The following ZFP2 variants were observed in gnomAD, a reference collection of about 807,000 sequenced individuals.
ZFP2 encodes the protein ZFP2 zinc finger protein, also known as zinc finger protein ZFP2.
In ZFP2, 33 loss-of-function variants were observed where a neutral mutation model predicts 36.1. The ratio of observed to expected loss-of-function variants is 0.92; its 90% confidence interval spans 0.69 to 1.22. The LOEUF is 1.22. Ranked by LOEUF, ZFP2 falls within the 50% of genes most tolerant of loss-of-function variation. The pLI is 0.00. For synonymous variants in ZFP2, 170 were observed against 178.0 expected (o/e 0.96, Z 0.36); for missense variants, 522 against 551.4 (o/e 0.95, Z 0.53).
intron 1 of ZFP2, among the ~76,000 whole-genome samples, chr5:178,899,702 C>CT (rs1337428480): frequency 6.6e-6 from 1 of 151,580 alleles, no homozygotes; most frequent in African/African-American, 2.4e-5. Context: ...AAGCATGGAG[C>CT]TGGGATAGTA....
intron 1 of ZFP2, among the ~76,000 whole-genome samples, chr5:178,906,902 A>G (rs1183679102): frequency 6.6e-6 from 1 of 151,030 alleles, no homozygotes; most frequent in East Asian, 1.9e-4. Flanking sequence ...TATTTAAAAG[A>G]TTCCCTTTTT....
At chr5:178,910,926 G>T (rs1019241143) in intron 1 of ZFP2, among the ~76,000 whole-genome samples, 2 of 152,128 alleles carry the variant, frequency 1.3e-5, no homozygotes, top group African/African-American at 4.8e-5. Flanking sequence ...GGGAAAAAAG[G>T]TTCCTTTTAA....
intron 1 of ZFP2, chr5:178,910,668 C>A (rs1274296423): frequency 2.8e-6 from 1 of 361,990 alleles, no homozygotes; most frequent in Non-Finnish European, 5.4e-6. Context: ...CTGCCGCTGG[C>A]CCATGCACCT....
At chr5:178,910,426 C>T in intron 1 of ZFP2, 1 of 793,746 alleles carries the variant, frequency 1.3e-6, no homozygotes, top group Non-Finnish European at 2.2e-6. Context: ...AGCTGGCAGC[C>T]TCGGCCTTCT....
chr5:178,903,189 A>G (rs1045483329), intron 1 of ZFP2, among the ~76,000 whole-genome samples: 1 of 152,226 alleles, frequency 6.6e-6, no homozygotes, highest in Non-Finnish European at 1.5e-5. Context: ...ACAGTAATAG[A>G]CTTGGGACAT....
At chr5:178,910,902 T>C (rs1269750766) in intron 1 of ZFP2, among the ~76,000 whole-genome samples, 1 of 152,186 alleles carries the variant, frequency 6.6e-6, no homozygotes, top group Non-Finnish European at 1.5e-5. Flanking sequence ...TTTTAGGGAC[T>C]GAACCTTTTT....
At position 178,922,674 on chromosome 5, in the gene ZFP2, C is replaced by T; in HGVS notation, c.-78+5964C>T. Reference sequence around the variant, plus strand: ...CGTGGCTGGCCTTGTTATTTCACCACTCTGGATATACTGGAATAGAAAGCA... The same window carrying T: ...CGTGGCTGGCCTTGTTATTTCACCATTCTGGATATACTGGAATAGAAAGCA... On this transcript the variant is annotated intron_variant, in intron 4 of 4. Coordinates refer to ENST00000361362, the MANE Select transcript of ZFP2 (RefSeq NM_030613.4). The T allele has an allele frequency of 4.4e-6, 7 of 1,586,468 alleles. 1 individual carries two copies. The South Asian group carries it at 6.6e-5, about 15-fold the overall frequency.
At chr5:178,913,771 T>C (rs1428667318) in intron 3 of ZFP2, 1 of 141,448 alleles carries the variant, frequency 7.1e-6, no homozygotes, top group African/African-American at 2.6e-5. Context: ...GTGTTATTAC[T>C]GACTTTTCTC....
rs1017232289 is a variant in ZFP2 at position 178,909,796 on chromosome 5, A to G, written c.-449-2788A>G. 5 of 1,589,064 alleles carry G rather than the reference A, an allele frequency of 3.1e-6. No homozygotes were observed. The Admixed American group carries it at 8.5e-5, about 27-fold the overall frequency. On this transcript the variant is annotated intron_variant, in intron 1 of 4. Transcript: ENST00000361362. ...TCTCTTTTCCTTCGCTTCATTTCCC[A>G]CTCCACAAAGGTGTCGAAGAGATTT...
chr5:178,910,136 G>T (rs1288932615), intron 1 of ZFP2: 130 of 1,453,994 alleles, frequency 8.9e-5, no homozygotes, highest in Non-Finnish European at 1.2e-4. Context: ...ACCGTGCACA[G>T]ATTCTGTCAC....
chr5:178,902,528 C>T (rs534995375), intron 1 of ZFP2, among the ~76,000 whole-genome samples: 2 of 152,276 alleles, frequency 1.3e-5, no homozygotes, highest in East Asian at 3.9e-4. Flanking sequence ...GACTTGGATA[C>T]TTTTGAAGAG....
intron 1 of ZFP2, chr5:178,910,638 C>G (rs1758277291): frequency 2.5e-6 from 1 of 395,898 alleles, no homozygotes; most frequent in Non-Finnish European, 4.9e-6. Context: ...GAATGGCCCC[C>G]TCTGGATCAG....
chr5:178,932,605 C>G lies in ZFP2; in HGVS notation c.1292C>G (p.Thr431Ser). 1 of 1,614,106 alleles carries G rather than the reference C, an allele frequency of 6.2e-7. No homozygotes were observed. The highest frequency in any genetic ancestry group is 8.5e-7 in the Non-Finnish European group (1 of 1,180,024). The change falls in exon 5 of 5, where the codon ACT (threonine) becomes AGT (serine). Residue 431 changes from threonine (T) to serine (S), a missense_variant. Physicochemically the swap from Thr to Ser is moderately conservative, Grantham distance 58. Transcript: ENST00000361362. ...TCATCCCTTACAGTGCATCAGAGAACTCATACAGGAGAGAAACCCTATCAG... is the reference window on the plus strand; with the variant it reads ...TCATCCCTTACAGTGCATCAGAGAAGTCATACAGGAGAGAAACCCTATCAG... ...KNSSLTVHQR[T>S]HTGEKPYQCN...
At chr5:178,901,703 T>C (rs1758059981) in intron 1 of ZFP2, among the ~76,000 whole-genome samples, 2 of 152,312 alleles carry the variant, frequency 1.3e-5, no homozygotes, top group African/African-American at 4.8e-5. Flanking sequence ...CATACCTTTT[T>C]TGGGGGACAC....
intron 4 of ZFP2, chr5:178,922,561 A>G (rs1261766529): frequency 3.4e-6 from 5 of 1,489,412 alleles, no homozygotes; most frequent in South Asian, 2.2e-5. Flanking sequence ...TTGTAGGAGC[A>G]TGGCTTGGAG....
At chr5:178,897,756 T>G (rs1418220693) in intron 1 of ZFP2, among the ~76,000 whole-genome samples, 2 of 152,186 alleles carry the variant, frequency 1.3e-5, no homozygotes, top group Non-Finnish European at 2.9e-5. Context: ...ACATCCATGA[T>G]TGCGGAGAGT....
chr5:178,928,675 T>C (rs1183866044), intron 4 of ZFP2, among the ~76,000 whole-genome samples: 4 of 152,246 alleles, frequency 2.6e-5, no homozygotes, highest in Non-Finnish European at 5.9e-5. Context: ...TCATGGGTTG[T>C]AGTTGAATGT....
At chr5:178,926,603 G>A (rs1039843335) in intron 4 of ZFP2, among the ~76,000 whole-genome samples, 4 of 151,668 alleles carry the variant, frequency 2.6e-5, no homozygotes, top group South Asian at 4.2e-4. Context: ...TGCAAGCTCC[G>A]CCTCCCAGGT....
intron 4 of ZFP2, among the ~76,000 whole-genome samples, chr5:178,926,602 C>G (rs1158618581): frequency 6.6e-6 from 1 of 151,990 alleles, no homozygotes; most frequent in Non-Finnish European, 1.5e-5. Flanking sequence ...CTGCAAGCTC[C>G]GCCTCCCAGG....
Sources: gnomAD v4.1 joint callset for allele counts (sites outside exome capture counted in the v4.1 genomes callset) on GRCh38, gnomAD v4.1.1 for gene constraint, MANE v1.5 for transcripts, NCBI Gene and HGNC (gene_info 2026-07-23, HGNC 2026-07-21) for gene names.